PIK3C3: variants seen among roughly 807,000 people sequenced by gnomAD.
The protein encoded by PIK3C3 is phosphatidylinositol 3-kinase catalytic subunit type 3, also known as PI3-kinase type 3.
PIK3C3 carries 95 observed loss-of-function variants against 126.1 expected under a neutral mutation model. The ratio of observed to expected loss-of-function variants is 0.75; its 90% CI spans 0.64 to 0.89. The LOEUF is 0.89. Among genes scored for constraint, PIK3C3 ranks in the 40% least tolerant of loss-of-function variants. The pLI is 0.00. For synonymous variants in PIK3C3, 374 were observed against 360.0 expected (o/e 1.04, Z -0.44); for missense variants, 829 against 1,063.2 (o/e 0.78, Z 3.06).
chr18:42,058,162 T>C (rs1985157618), intron 22 of PIK3C3, 111 bp downstream of exon 22: 2 of 781,898 alleles, frequency 2.6e-6, no homozygotes, highest in Non-Finnish European at 3.8e-6. Flanking sequence ...TTTTTCAAAA[T>C]GACAAAGGCA....
chr18:41,955,278 T>A lies in PIK3C3; in HGVS notation c.-14T>A. On this transcript the variant is annotated 5_prime_UTR_variant, in exon 1 of 25. The change creates a new upstream start codon in the 5' untranslated region. Transcript: ENST00000262039. Reference sequence around the variant, plus strand: ...TAAGTTCCCGCTGTAGGTGGTACCTTTGCAGACGGTGCGATGGGGGAAGCA... The same window carrying A: ...TAAGTTCCCGCTGTAGGTGGTACCTATGCAGACGGTGCGATGGGGGAAGCA... The A allele has an allele frequency of 6.2e-7, 1 of 1,611,506 alleles. No homozygotes were observed. The highest frequency in any genetic ancestry group is 8.5e-7 in the Non-Finnish European group (1 of 1,178,274).
chr18:42,048,839 T>G (rs573238002), intron 20 of PIK3C3, among the ~76,000 whole-genome samples: 2 of 152,320 alleles, frequency 1.3e-5, no homozygotes, highest in African/African-American at 4.8e-5. Context: ...GTTGTGTTTG[T>G]TGTCAGGTTA....
At chr18:42,047,857 G>T (rs1408910780) in intron 20 of PIK3C3, among the ~76,000 whole-genome samples, 1 of 152,178 alleles carries the variant, frequency 6.6e-6, no homozygotes, top group African/African-American at 2.4e-5. Context: ...ATCACATTTT[G>T]TGTAGCAATG....
At chr18:41,989,964 A>G (rs1250567790) in intron 5 of PIK3C3, among the ~76,000 whole-genome samples, 2 of 152,136 alleles carry the variant, frequency 1.3e-5, no homozygotes, top group African/African-American at 4.8e-5. Context: ...ATTGCGAAAA[A>G]CTTGTAAAGG....
At chr18:42,037,026 A>G (rs1284180728) in intron 16 of PIK3C3, among the ~76,000 whole-genome samples, 1 of 152,202 alleles carries the variant, frequency 6.6e-6, no homozygotes, top group Admixed American at 6.5e-5. Context: ...TATATGTGAA[A>G]CATAATTGAA....
chr18:42,061,328 A>C (rs1002480543), intron 22 of PIK3C3, among the ~76,000 whole-genome samples: 2 of 152,142 alleles, frequency 1.3e-5, no homozygotes, highest in African/African-American at 4.8e-5. Context: ...CATGCCTGTA[A>C]TCCCAGCACC....
intron 24 of PIK3C3, among the ~76,000 whole-genome samples, chr18:42,068,065 T>A (rs1288275388): frequency 6.6e-6 from 1 of 152,232 alleles, no homozygotes; most frequent in Non-Finnish European, 1.5e-5. Context: ...GGCTGCTTTT[T>A]TCTTCTATGC....
intron 3 of PIK3C3, among the ~76,000 whole-genome samples, chr18:41,964,240 A>G (rs1371645234): frequency 6.6e-6 from 1 of 152,136 alleles, no homozygotes. Flanking sequence ...TTATCCAGCT[A>G]TTTTAAAATA....
intron 12 of PIK3C3, among the ~76,000 whole-genome samples, chr18:42,016,073 A>G (rs1219518194): frequency 1.3e-5 from 2 of 152,126 alleles, no homozygotes. Context: ...ATATTTTTTA[A>G]TTTGTCTATA....
At chr18:42,042,587 A>G (rs1483502631) in intron 19 of PIK3C3, among the ~76,000 whole-genome samples, 7 of 152,202 alleles carry the variant, frequency 4.6e-5, no homozygotes, top group Admixed American at 6.5e-5. Flanking sequence ...CCTAATTGCC[A>G]TCATTGTTTC....
chr18:41,976,421 A>G (rs935623233), intron 4 of PIK3C3, among the ~76,000 whole-genome samples: 3 of 152,154 alleles, frequency 2.0e-5, no homozygotes, highest in Admixed American at 6.5e-5. Flanking sequence ...TAGTGTTATT[A>G]TGACTAATAA....
In PIK3C3 at chr18:42,038,825, G is replaced by A; in HGVS notation, c.2013G>A (p.Lys671=). 1 of 1,604,584 alleles carries A rather than the reference G, an allele frequency of 6.2e-7. No individual in the cohort carries two copies. The highest frequency in any genetic ancestry group is 8.5e-7 in the Non-Finnish European group (1 of 1,172,310). ...ENLDLKLTPY[K]VLATSTKHGF... is the part of the protein sequence containing the mutation. ...TGGACTTGAAATTGACACCTTATAA[G>A]GTGTTAGCCACCAGTACAAAACATG... is the stretch of plus-strand genomic sequence containing the variant. The change falls in exon 18 of 25, where the codon AAG becomes AAA. Residue 671 remains lysine (K), a synonymous_variant. Coordinates refer to ENST00000262039, the MANE Select transcript of PIK3C3 (RefSeq NM_002647.4).
At chr18:42,040,156 CTT>C (rs55821466) in intron 18 of PIK3C3, among the ~76,000 whole-genome samples, 210 of 110,502 alleles carry the variant, frequency 1.9e-3, no homozygotes, top group African/African-American at 5.0e-3. Flanking sequence ...GTCCCCTTTC[CTT>C]TTTTTTTTTT....
chr18:42,046,243 GTA>G (rs1371040324), intron 20 of PIK3C3, among the ~76,000 whole-genome samples: 1 of 152,012 alleles, frequency 6.6e-6, no homozygotes, highest in Non-Finnish European at 1.5e-5. Context: ...TCTGTTTTCT[GTA>G]TGGCTTCCTG....
intron 9 of PIK3C3, among the ~76,000 whole-genome samples, chr18:41,997,582 A>G (rs1413431313): frequency 1.3e-5 from 2 of 152,108 alleles, no homozygotes; most frequent in Admixed American, 6.6e-5. Flanking sequence ...ATAGTCTGTA[A>G]AATCTTAAAA....
intron 22 of PIK3C3, among the ~76,000 whole-genome samples, chr18:42,060,628 T>G (rs1408263616): frequency 6.6e-6 from 1 of 151,860 alleles, no homozygotes; most frequent in Non-Finnish European, 1.5e-5. Context: ...AATACAAAAA[T>G]TAGCCAGGTG....
chr18:42,006,328 C>T (rs1982540880), intron 10 of PIK3C3, among the ~76,000 whole-genome samples: 1 of 145,224 alleles, frequency 6.9e-6, no homozygotes, highest in African/African-American at 2.4e-5. Flanking sequence ...AACCCAAAAG[C>T]TCTCAGAATG....
At position 42,084,234 on chromosome 18, in the gene PIK3C3, A is replaced by G. The variant is rs1231362040; in HGVS notation, c.*3097A>G. ...AAGTATAACATTGCGATTTAAAACA[A>G]TAAACCAGATTGAGATTCTAAGGAG... is the stretch of plus-strand genomic sequence containing the variant. On this transcript the variant is annotated 3_prime_UTR_variant, in exon 25 of 25. Coordinates refer to ENST00000262039, the MANE Select transcript of PIK3C3 (RefSeq NM_002647.4). 2.0e-5 allele frequency: 3 copies of G among 152,222 alleles called. No homozygotes were observed. The highest frequency in any genetic ancestry group is 6.5e-5 in the Admixed American group (1 of 15,280). The allele number at this position is 152,222 out of a possible 1,614,324, so 9.4% of individuals were successfully genotyped here.
At chr18:42,042,291 G>T (rs551924881) in intron 19 of PIK3C3, among the ~76,000 whole-genome samples, 6 of 152,274 alleles carry the variant, frequency 3.9e-5, no homozygotes, top group Admixed American at 2.6e-4. Context: ...GACAGAGAGG[G>T]CTAGGATGCC....
Sources: allele counts gnomAD v4.1 joint callset (sites outside exome capture counted in the v4.1 genomes callset), GRCh38; gene constraint gnomAD v4.1.1; transcripts MANE v1.5; gene names NCBI Gene and HGNC (gene_info 2026-07-23, HGNC 2026-07-21).